Variants in DNA2 observed in about 807,000 individuals in gnomAD.
The protein encoded by DNA2 is DNA replication helicase/nuclease 2, also known as DNA replication ATP-dependent helicase/nuclease DNA2.
In DNA2, 101 loss-of-function variants were observed where a neutral mutation model predicts 119.1. That is an observed-to-expected ratio of 0.85 (90% CI 0.72 to 1.00). The LOEUF (loss-of-function observed/expected upper bound fraction) is 1.00. Among genes scored for constraint, DNA2 ranks in the 50% least tolerant of loss-of-function variants. The pLI, the probability that DNA2 is intolerant of heterozygous loss-of-function variation, is 0.00. For synonymous variants in DNA2, 366 were observed against 424.4 expected, an observed-to-expected ratio of 0.86 and a Z score of 1.69; for missense variants, 1,121 against 1,255.5, an observed-to-expected ratio of 0.89 and a Z score of 1.62.
Position 68,414,235 on chromosome 10 carries a change from C to T in DNA2, c.*804G>A, listed in dbSNP as rs1013653221. On this transcript the variant is annotated 3_prime_UTR_variant, in exon 21 of 21. Transcript: ENST00000358410. ...ATCTGTTACCCCAAGAATCTTTTAA[C>T]CTTTGTTAAAATCTGTTACTTTTTA... is the stretch of plus-strand genomic sequence containing the variant. 17 of 151,356 alleles carry T rather than the reference C, an allele frequency of 1.1e-4. No individual in the cohort carries two copies. The highest frequency in any genetic ancestry group is 2.0e-4 in the Admixed American group (3 of 15,096). 9.4% of individuals were successfully genotyped at this position (151,356 alleles called of 1,614,324 possible). A position where few individuals can be genotyped will look rare whatever the true frequency, so the allele number is the denominator to read the frequency against.
chr10:68,462,923 G>GT (rs1474394379), intron 4 of DNA2, among the ~76,000 whole-genome samples: 1 of 151,930 alleles, frequency 6.6e-6, no homozygotes, highest in Non-Finnish European at 1.5e-5. Flanking sequence ...GAGGTCAGGA[G>GT]TTTGAGACCA....
intron 9 of DNA2, among the ~76,000 whole-genome samples, chr10:68,438,938 C>G (rs2051928089): frequency 6.9e-6 from 1 of 145,774 alleles, no homozygotes; most frequent in Non-Finnish European, 1.5e-5. Flanking sequence ...GAGGCTGAGG[C>G]AGGAGAATCA....
At position 68,443,882 on chromosome 10, in the gene DNA2, T is replaced by C. The variant is rs184458364; in HGVS notation, c.1221-771A>G. ...AGGAGAATTGCTTGAACCCAGGAGG[T>C]GGAGGTTGCAGTGAGCCAAGATTGC... On this transcript the variant is annotated intron_variant, in intron 8 of 20. Transcript: ENST00000358410. 2.1e-3 allele frequency among the ~76,000 whole-genome samples: 310 copies of C among 149,796 alleles called. 1 individual carries two copies. The highest frequency in any genetic ancestry group is 7.4e-3 in the Middle Eastern group (2 of 272).
intron 20 of DNA2, chr10:68,416,493 T>G (rs2051591084): frequency 4.4e-6 from 2 of 458,926 alleles, no homozygotes; most frequent in Non-Finnish European, 7.9e-6. Flanking sequence ...CATTTTAATC[T>G]AATCATTTGT....
intron 14 of DNA2, among the ~76,000 whole-genome samples, chr10:68,425,345 C>T (rs1307355546): frequency 1.3e-5 from 2 of 150,786 alleles, no homozygotes; most frequent in African/African-American, 4.9e-5. Flanking sequence ...CCACCCGCCT[C>T]GGTGTTCCAA....
Position 68,432,233 on chromosome 10 carries a change from T to C in DNA2, c.1846A>G (p.Lys616Glu), listed in dbSNP as rs2051831838. The C allele has an allele frequency of 1.2e-6, 2 of 1,603,340 alleles. No homozygotes were observed. Among genetic ancestry groups the C allele is most frequent in the Non-Finnish European group, 1.7e-6 (2 of 1,174,774 alleles). Residue 616 changes from lysine to glutamate, a missense_variant, in exon 12 of 21, where the codon AAG becomes GAG. Transcript: ENST00000358410. ...TTTAGAATGCAGGCAACTGTATCCT[T>C]TGCATCATGTGGAAGAACAGAACTA... ...YLSSVLPHDA[K>E]DTVACILKGL...
intron 4 of DNA2, among the ~76,000 whole-genome samples, chr10:68,460,610 GT>G (rs2052244888): frequency 6.6e-6 from 1 of 152,032 alleles, no homozygotes; most frequent in Non-Finnish European, 1.5e-5. Context: ...GTTTCACCAT[GT>G]TGGCCAGCCT....
chr10:68,465,907 G>T, intron 3 of DNA2, 95 bp from the exon 4 acceptor site: 3 of 1,134,386 alleles, frequency 2.6e-6, no homozygotes, highest in Non-Finnish European at 2.3e-6. Context: ...TAGCCAAAAT[G>T]CACTGGTAAG....
At chr10:68,472,080 C>G (rs769532747), upstream of DNA2, 3 of 1,572,036 alleles carry the variant, frequency 1.9e-6, no homozygotes, top group African/African-American at 4.1e-5. Flanking sequence ...TGTCCCCTGC[C>G]TTTGCTCCCT....
In DNA2 at chr10:68,452,728, C is replaced by T. The variant is rs144021193; in HGVS notation, c.720-2481G>A. 1.5e-3 allele frequency among the ~76,000 whole-genome samples: 216 copies of T among 146,944 alleles called. 2 individuals carry two copies. Among genetic ancestry groups the T allele is most frequent in the Non-Finnish European group, 2.4e-3 (159 of 67,366 alleles). ...CTGAAACTACAGGCATCTGCCATTA[C>T]GCCCAGCTATTTTTTTTTTTTTTTT... is the stretch of plus-strand genomic sequence containing the variant. On this transcript the variant is annotated intron_variant, in intron 5 of 20. Transcript: ENST00000358410.
chr10:68,432,508 T>C lies in DNA2; in HGVS notation c.1649A>G (p.Asn550Ser), dbSNP rs141731085. Residue 550 changes from asparagine to serine, a missense_variant and splice_region_variant, in exon 11 of 21, where the codon AAC (asparagine) becomes AGC (serine). Physicochemically the swap from Asn to Ser is conservative, Grantham distance 46. Transcript: ENST00000358410. ...MTTVTCLLDR[N>S]LSVLPESTLF... is the part of the protein sequence containing the mutation. ...AGTTGATTCTGGAAGGACCGACAAG[T>C]TTCTAAAACAACAAAACAAATATAC... 1.3e-3 allele frequency: 1,913 copies of C among 1,523,080 alleles called. 21 individuals carry two copies. In the African/African-American group the frequency reaches 0.024, roughly 19 times the overall value. 94.3% of individuals were successfully genotyped at this position (1,523,080 alleles called of 1,614,324 possible).
rs1254577205 is a variant in DNA2 at position 68,470,135 on chromosome 10, G to T, written c.103C>A (p.Pro35Thr). 1.9e-5 allele frequency: 30 copies of T among 1,598,632 alleles called. No homozygotes were observed. Among genetic ancestry groups the T allele is most frequent in the Non-Finnish European group, 2.2e-5 (26 of 1,176,566 alleles). ...LFQKKVVASFPRTVLSTGMDN... is the reference protein window; with the variant it reads ...LFQKKVVASFTRTVLSTGMDN... ...ATTCCTGTGCTCAGAACTGTTCTTG[G>T]AAAGGAAGCTACCACTTTCTTCTGA... Residue 35 changes from proline (P) to threonine (T), a missense_variant, in exon 2 of 21, where the codon CCA becomes ACA. Physicochemically the swap from Pro to Thr is conservative, Grantham distance 38. Transcript: ENST00000358410.
At chr10:68,429,266 C>T (rs1456366640) in intron 14 of DNA2, among the ~76,000 whole-genome samples, 1 of 146,464 alleles carries the variant, frequency 6.8e-6, no homozygotes, top group Admixed American at 6.7e-5. Flanking sequence ...AAAAAAAAGC[C>T]GGGCGCAGTA....
chr10:68,461,110 G>GC (rs1160374180), intron 4 of DNA2, among the ~76,000 whole-genome samples: 1 of 152,102 alleles, frequency 6.6e-6, no homozygotes, highest in African/African-American at 2.4e-5. Context: ...GGACAGAAAG[G>GC]CAGTATCAGC....
intron 14 of DNA2, among the ~76,000 whole-genome samples, chr10:68,426,336 G>C (rs1590050657): frequency 2.0e-5 from 3 of 150,302 alleles, no homozygotes. Context: ...TCAGAAGTTT[G>C]AGACCAGCCT....
chr10:68,465,551 T>C, intron 4 of DNA2, 116 bp downstream of exon 4: 1 of 810,762 alleles, frequency 1.2e-6, no homozygotes. Flanking sequence ...AACTATGAAA[T>C]CTGCATTTTA....
rs570279808 is a variant in DNA2, at chr10:68,455,410, A to C, written c.719+3694T>G. Reference sequence around the variant, plus strand: ...CCAAAGAAATAACAAAAAATGAAACATTTATAAATTTATTTTTAAAACACA... The same window carrying C: ...CCAAAGAAATAACAAAAAATGAAACCTTTATAAATTTATTTTTAAAACACA... On this transcript the variant is annotated intron_variant, in intron 5 of 20. Coordinates refer to ENST00000358410, the MANE Select transcript of DNA2 (RefSeq NM_001080449.3). Among the ~76,000 whole-genome samples, 13 of 152,290 alleles carry C rather than the reference A, an allele frequency of 8.5e-5. No individual in the cohort carries two copies. In the South Asian group the frequency reaches 2.7e-3, roughly 32 times the overall value.
At chr10:68,431,653 G>A (rs1469562667) in intron 13 of DNA2, among the ~76,000 whole-genome samples, 1 of 152,202 alleles carries the variant, frequency 6.6e-6, no homozygotes, top group East Asian at 1.9e-4. Flanking sequence ...AACGGAAAGC[G>A]ATCTTAGAAA....
At chr10:68,430,335 A>G in intron 14 of DNA2, 101 bp downstream of exon 14, 1 of 798,002 alleles carries the variant, frequency 1.3e-6, no homozygotes, top group Non-Finnish European at 2.0e-6. Flanking sequence ...AATCATGTGC[A>G]AATCCAGTCA....
Sources: allele counts gnomAD v4.1 joint callset (sites outside exome capture counted in the v4.1 genomes callset), GRCh38; gene constraint gnomAD v4.1.1; transcripts MANE v1.5; gene names NCBI Gene and HGNC (gene_info 2026-07-23, HGNC 2026-07-21).